DCAF1: variants seen among roughly 807,000 people sequenced by gnomAD.
DCAF1 encodes DDB1- and CUL4-associated factor 1.
In DCAF1, 15 loss-of-function variants were observed where a neutral mutation model predicts 128.0. The observed-to-expected ratio is 0.12, with a 90% CI of 0.08 to 0.18. The LOEUF (loss-of-function observed/expected upper bound fraction) is 0.18. Among genes scored for constraint, DCAF1 ranks in the 10% least tolerant of loss-of-function variants. The probability of loss-of-function intolerance (pLI) is 1.00; values close to 1 mark genes in which losing one functional copy is unlikely to be tolerated. For synonymous variants in DCAF1, 610 were observed against 603.0 expected, an observed-to-expected ratio of 1.01 and a Z score of -0.17; for missense variants, 988 against 1,649.5, an observed-to-expected ratio of 0.60 and a Z score of 6.95.
intron 2 of DCAF1, among the ~76,000 whole-genome samples, chr3:51,484,510 G>A (rs1349581268): frequency 6.6e-6 from 1 of 151,734 alleles, no homozygotes; most frequent in South Asian, 2.1e-4. Context: ...ATGCCTACCT[G>A]TAATATATAC....
intron 2 of DCAF1, among the ~76,000 whole-genome samples, chr3:51,488,415 C>T (rs370230582): frequency 1.8e-4 from 28 of 152,304 alleles, no homozygotes; most frequent in African/African-American, 6.3e-4. Context: ...ACATGGCTCA[C>T]GCCTGTAATC....
intron 14 of DCAF1, 134 bp downstream of exon 14, chr3:51,422,173 A>G: frequency 1.6e-6 from 1 of 614,094 alleles, no homozygotes; most frequent in Admixed American, 2.7e-5. Flanking sequence ...CTTATAAAGG[A>G]CAGACAAGGA....
In DCAF1 at chr3:51,455,147, A is replaced by G. The variant is rs550962714; in HGVS notation, c.375+7967T>C. 2.6e-5 allele frequency among the ~76,000 whole-genome samples: 4 copies of G among 152,350 alleles called. No homozygotes were observed. The South Asian group carries it at 8.3e-4, about 32-fold the overall frequency. On this transcript the variant is annotated intron_variant, in intron 6 of 24. Transcript: ENST00000684031. ...TCTCATGTTGCTAACAAAATATTCC[A>G]AGCCCCTACAACAAAACACAGCACA... is the stretch of plus-strand genomic sequence containing the variant.
At chr3:51,423,700 T>A (rs1553633250) in intron 13 of DCAF1, among the ~76,000 whole-genome samples, 1 of 151,250 alleles carries the variant, frequency 6.6e-6, no homozygotes, top group Non-Finnish European at 1.5e-5. Flanking sequence ...GCATCTGTAA[T>A]CCCAGCTACT....
At chr3:51,494,081 T>C (rs1164179952) in intron 2 of DCAF1, among the ~76,000 whole-genome samples, 1 of 149,434 alleles carries the variant, frequency 6.7e-6, no homozygotes, top group Non-Finnish European at 1.5e-5. Context: ...AAGGGGAAAA[T>C]GGGCAGTGAC....
At chr3:51,449,507 A>G (rs1553641001) in intron 6 of DCAF1, among the ~76,000 whole-genome samples, 1 of 152,204 alleles carries the variant, frequency 6.6e-6, no homozygotes. Flanking sequence ...GTGCCCGGCC[A>G]GAATGATATT....
intron 24 of DCAF1, 121 bp from the exon 25 acceptor site, chr3:51,398,948 A>G (rs538840909): frequency 1.6e-6 from 2 of 1,288,230 alleles, no homozygotes; most frequent in Admixed American, 4.3e-5. Flanking sequence ...AGTTTCCAGA[A>G]AGAAGAAAAC....
chr3:51,460,817 T>C (rs1418000390), intron 6 of DCAF1, among the ~76,000 whole-genome samples: 1 of 151,010 alleles, frequency 6.6e-6, no homozygotes, highest in Non-Finnish European at 1.5e-5. Flanking sequence ...GGGAAAGGAT[T>C]CCCTATTTAA....
chr3:51,463,310 C>T, intron 5 of DCAF1, 83 bp from the exon 6 acceptor site: 1 of 727,276 alleles, frequency 1.4e-6, no homozygotes, highest in Non-Finnish European at 2.1e-6. Context: ...TCAACATATT[C>T]CCATTACTTT....
intron 5 of DCAF1, among the ~76,000 whole-genome samples, chr3:51,464,199 AAT>A (rs1331228039): frequency 6.6e-6 from 1 of 152,068 alleles, no homozygotes; most frequent in Non-Finnish European, 1.5e-5. Context: ...TAAGCAGGGC[AAT>A]ATGAGCTCCA....
chr3:51,501,709 C>G (rs973896517), upstream of DCAF1, among the ~76,000 whole-genome samples: 30 of 152,174 alleles, frequency 2.0e-4, no homozygotes, highest in African/African-American at 6.5e-4. Context: ...CAGAGATTCT[C>G]TAATATGTGC....
At chr3:51,417,685 A>G (rs1553630841) in intron 17 of DCAF1, among the ~76,000 whole-genome samples, 1 of 151,708 alleles carries the variant, frequency 6.6e-6, no homozygotes, top group Non-Finnish European at 1.5e-5. Context: ...GCGCCACTGC[A>G]CTCCAGCCTG....
intron 13 of DCAF1, 90 bp downstream of exon 13, chr3:51,427,282 T>C (rs1699988144): frequency 1.8e-6 from 1 of 568,064 alleles, no homozygotes; most frequent in Middle Eastern, 2.8e-4. Flanking sequence ...ATTCAACAAA[T>C]GTTTGTTAAG....
intron 13 of DCAF1, 76 bp from the exon 14 acceptor site, chr3:51,422,507 C>T: frequency 1.4e-6 from 1 of 706,660 alleles, no homozygotes; most frequent in South Asian, 1.5e-5. Flanking sequence ...GAGAGACACA[C>T]AGACAGATAG....
At chr3:51,408,002 A>AAAAAC (rs1698051408) in intron 23 of DCAF1, among the ~76,000 whole-genome samples, 1 of 150,978 alleles carries the variant, frequency 6.6e-6, no homozygotes, top group Admixed American at 6.6e-5. Context: ...AAAAAAAAAA[A>AAAAAC]AAAAAAACAA....
Position 51,420,030 on chromosome 3 carries a change from G to A in DCAF1, c.2940C>T (p.Asp980=). The A allele has an allele frequency of 6.2e-7, 1 of 1,614,034 alleles. No homozygotes were observed. The highest frequency in any genetic ancestry group is 1.1e-5 in the South Asian group (1 of 91,090). Residue 980 remains aspartate (D), a synonymous_variant, in exon 15 of 25, where the codon GAC becomes GAT. Coordinates refer to ENST00000684031, the MANE Select transcript of DCAF1 (RefSeq NM_001387579.1). The surrounding 1 kb of genome is among the most constrained non-coding windows in gnomAD (Gnocchi z 6.5). ...CTGGGCTTTGGCTGTAGGCACCATG[G>A]TCCGACTTCTGCCGCAACACTCTGA... ...RKIRVLRQKS[D]HGAYSQSPAI...
intron 9 of DCAF1, among the ~76,000 whole-genome samples, chr3:51,439,407 C>A (rs373539314): frequency 1.2e-3 from 186 of 150,972 alleles, no homozygotes; most frequent in South Asian, 3.4e-3. Flanking sequence ...GGATTACAGG[C>A]GTGAGCTAAC....
chr3:51,404,793 A>G (rs1553626114), intron 23 of DCAF1, among the ~76,000 whole-genome samples: 2 of 152,140 alleles, frequency 1.3e-5, no homozygotes, highest in African/African-American at 4.8e-5. Context: ...AAGGCCTGAG[A>G]CTATTCCAAA....
At chr3:51,462,998 A>G (rs1464444887) in intron 6 of DCAF1, 116 bp downstream of exon 6, 34 of 513,498 alleles carry the variant, frequency 6.6e-5, no homozygotes, top group Non-Finnish European at 1.0e-4. Flanking sequence ...TTTTTATAAC[A>G]TATATTACTA....
Sources: allele counts gnomAD v4.1 joint callset (sites outside exome capture counted in the v4.1 genomes callset), GRCh38; gene constraint gnomAD v4.1.1; non-coding constraint Gnocchi (gnomAD v3.1); transcripts MANE v1.5; gene names NCBI Gene and HGNC (gene_info 2026-07-23, HGNC 2026-07-21).